CTNNA2: variants seen among roughly 807,000 people sequenced by gnomAD.
The protein encoded by CTNNA2 is catenin alpha 2.
CTNNA2 carries 42 observed loss-of-function variants against 101.0 expected under a neutral mutation model. The ratio of observed to expected loss-of-function variants is 0.42; its 90% CI spans 0.32 to 0.54. CTNNA2 has a LOEUF of 0.54. Among genes scored for constraint, CTNNA2 ranks in the 20% least tolerant of loss-of-function variants. CTNNA2 has a pLI of 0.14. For synonymous variants in CTNNA2, 450 were observed against 456.4 expected (o/e 0.99, Z 0.18); for missense variants, 871 against 1,223.1 (o/e 0.71, Z 4.29).
At chr2:79,389,489 A>G (rs1167942991) in intron 4 of CTNNA2, among the ~76,000 whole-genome samples, 1 of 152,228 alleles carries the variant, frequency 6.6e-6, no homozygotes, top group Non-Finnish European at 1.5e-5. Flanking sequence ...TGCACATTTT[A>G]TAAATTTAAA....
chr2:79,789,128 AC>A (rs1675073583), intron 3 of CTNNA2, among the ~76,000 whole-genome samples: 1 of 152,228 alleles, frequency 6.6e-6, no homozygotes, highest in African/African-American at 2.4e-5. Context: ...CGTGTAAAGT[AC>A]ACAACAGAGA....
intron 1 of CTNNA2, among the ~76,000 whole-genome samples, chr2:79,615,896 G>C (rs939116546): frequency 6.6e-6 from 1 of 152,166 alleles, no homozygotes; most frequent in African/African-American, 2.4e-5. Flanking sequence ...TGTAAATCAC[G>C]TAAAAATATT....
At chr2:79,921,330 T>TC (rs1686639916) in intron 7 of CTNNA2, among the ~76,000 whole-genome samples, 1 of 152,180 alleles carries the variant, frequency 6.6e-6, no homozygotes, top group Non-Finnish European at 1.5e-5. Context: ...ATAAATAACT[T>TC]TGTAAGAAAT....
intron 2 of CTNNA2, among the ~76,000 whole-genome samples, chr2:79,271,201 A>AT (rs1341746625): frequency 6.6e-6 from 1 of 151,944 alleles, no homozygotes; most frequent in African/African-American, 2.4e-5. Context: ...TTGCTTTTCA[A>AT]TTTTTTTGGC....
At chr2:80,321,551 T>C (rs1321271526) in intron 7 of CTNNA2, among the ~76,000 whole-genome samples, 2 of 152,254 alleles carry the variant, frequency 1.3e-5, no homozygotes, top group Non-Finnish European at 2.9e-5. Context: ...ATTTGTGGTG[T>C]ATGAATTCAT....
chr2:79,354,389 C>T (rs1205269837), intron 3 of CTNNA2, among the ~76,000 whole-genome samples: 1 of 152,094 alleles, frequency 6.6e-6, no homozygotes, highest in Non-Finnish European at 1.5e-5. Flanking sequence ...ATTCTTTCTT[C>T]TTTATTTTTG....
chr2:79,702,629 A>T (rs1477467211), intron 2 of CTNNA2, among the ~76,000 whole-genome samples: 3 of 152,132 alleles, frequency 2.0e-5, no homozygotes, highest in Non-Finnish European at 4.4e-5. Flanking sequence ...GCTGTTAGTT[A>T]ATTTGCCTCC....
intron 7 of CTNNA2, among the ~76,000 whole-genome samples, chr2:80,221,539 A>G (rs1288872181): frequency 1.3e-5 from 2 of 152,208 alleles, no homozygotes; most frequent in East Asian, 1.9e-4. Flanking sequence ...TTCAGCGACT[A>G]TACTAGAAAA....
chr2:80,247,286 T>G (rs1671399502), intron 7 of CTNNA2, among the ~76,000 whole-genome samples: 1 of 152,168 alleles, frequency 6.6e-6, no homozygotes, highest in South Asian at 2.1e-4. Flanking sequence ...GACTCCCTGT[T>G]GCCAATAGCA....
rs191121436 is a variant in CTNNA2, at chr2:79,522,044, G to A, written c.-6+8837G>A. 8.1e-4 allele frequency among the ~76,000 whole-genome samples: 124 copies of A among 152,292 alleles called. 1 individual carries two copies. The highest frequency in any genetic ancestry group is 1.5e-3 in the Non-Finnish European group (99 of 68,020). On this transcript the variant is annotated intron_variant, in intron 1 of 18. Transcript: ENST00000402739. The stretch of plus-strand genomic sequence containing the variant: ...GCAGTTTGCCCATCTGTGAAATCAG[G>A]ACCTCAGGCAAGAAGATTTTCATGT...
At chr2:79,470,710 G>C (rs766885016) in intron 4 of CTNNA2, among the ~76,000 whole-genome samples, 2 of 152,110 alleles carry the variant, frequency 1.3e-5, no homozygotes, top group East Asian at 3.8e-4. Flanking sequence ...TGATGCAACC[G>C]TTGCGTCCAC....
chr2:80,270,332 G>T (rs1327630661), intron 7 of CTNNA2, among the ~76,000 whole-genome samples: 1 of 152,056 alleles, frequency 6.6e-6, no homozygotes, highest in African/African-American at 2.4e-5. Flanking sequence ...CTTAAAAACA[G>T]CCTATGAAGA....
intron 7 of CTNNA2, among the ~76,000 whole-genome samples, chr2:80,070,996 C>G (rs1698303640): frequency 6.6e-6 from 1 of 152,198 alleles, no homozygotes. Context: ...AATAATCTTC[C>G]TATCTCAAGA....
intron 7 of CTNNA2, among the ~76,000 whole-genome samples, chr2:80,292,996 A>G (rs1048634887): frequency 2.6e-5 from 4 of 152,258 alleles, no homozygotes; most frequent in Admixed American, 1.3e-4. Context: ...ACAGCAAAGC[A>G]GTGCTGCTGC....
At chr2:80,376,286 T>C (rs1675943477) in intron 7 of CTNNA2, among the ~76,000 whole-genome samples, 1 of 152,188 alleles carries the variant, frequency 6.6e-6, no homozygotes, top group African/African-American at 2.4e-5. Flanking sequence ...CACAGAGGTT[T>C]CCATCTTGCC....
intron 9 of CTNNA2, among the ~76,000 whole-genome samples, chr2:80,474,340 T>C (rs1379816073): frequency 6.6e-6 from 1 of 151,060 alleles, no homozygotes; most frequent in East Asian, 2.0e-4. Flanking sequence ...CTCATGGTGC[T>C]ACACTGCCAG....
At chr2:79,703,814 A>T (rs1290406695) in intron 2 of CTNNA2, among the ~76,000 whole-genome samples, 1 of 152,202 alleles carries the variant, frequency 6.6e-6, no homozygotes, top group Non-Finnish European at 1.5e-5. Context: ...AACTTTTAAC[A>T]TGCAGTCCAG....
chr2:80,096,072 TC>T (rs1280108546), intron 7 of CTNNA2, among the ~76,000 whole-genome samples: 1 of 151,962 alleles, frequency 6.6e-6, no homozygotes, highest in African/African-American at 2.4e-5. Context: ...CTCTTGCTTC[TC>T]TAGTTCTTTT....
chr2:80,129,913 G>A (rs1168957263), intron 7 of CTNNA2, among the ~76,000 whole-genome samples: 2 of 152,008 alleles, frequency 1.3e-5, no homozygotes, highest in East Asian at 3.9e-4. Context: ...CTAAGTCCTG[G>A]GGATTTTGTG....
Sources: allele counts gnomAD v4.1 joint callset (sites outside exome capture counted in the v4.1 genomes callset), GRCh38; gene constraint gnomAD v4.1.1; transcripts MANE v1.5; gene names NCBI Gene and HGNC (gene_info 2026-07-23, HGNC 2026-07-21).